Variants in PPP6R3 observed in about 807,000 individuals in gnomAD.
PPP6R3 encodes the protein protein phosphatase 6 regulatory subunit 3, also known as serine/threonine-protein phosphatase 6 regulatory subunit 3.
In PPP6R3, 38 loss-of-function variants were observed where a neutral mutation model predicts 110.7. That is an observed-to-expected ratio of 0.34 (90% CI 0.26 to 0.45). The LOEUF is 0.45. PPP6R3 is among the 20% of genes least tolerant of loss of function. The pLI is 1.00. For synonymous variants in PPP6R3, 369 were observed against 373.5 expected, an observed-to-expected ratio of 0.99 and a Z score of 0.14; for missense variants, 870 against 1,062.4, an observed-to-expected ratio of 0.82 and a Z score of 2.52.
At chr11:68,566,553 G>T (rs918171850) in intron 9 of PPP6R3, among the ~76,000 whole-genome samples, 1 of 151,942 alleles carries the variant, frequency 6.6e-6, no homozygotes, top group African/African-American at 2.4e-5. Flanking sequence ...TAGAGACAGG[G>T]TCTCACCATA....
intron 22 of PPP6R3, among the ~76,000 whole-genome samples, chr11:68,606,992 T>C (rs1940466634): frequency 6.6e-6 from 1 of 152,168 alleles, no homozygotes. Context: ...CCAAAATACA[T>C]CAAAATATAA....
intron 11 of PPP6R3, 43 bp downstream of exon 11, chr11:68,569,940 T>G: frequency 1.3e-6 from 2 of 1,548,676 alleles, no homozygotes; most frequent in Non-Finnish European, 1.8e-6. Context: ...CTCTCCTGGT[T>G]ATAGCAGTTT....
chr11:68,569,243 G>A lies in PPP6R3; in HGVS notation c.1129-505G>A, dbSNP rs555291395. ...GGCATGTCAGATAAGCAGATAGCAC[G>A]CCATTTAGGCTCTAAAGCAATACTT... On this transcript the variant is annotated intron_variant, in intron 10 of 23. Coordinates refer to ENST00000393800, the MANE Select transcript of PPP6R3 (RefSeq NM_001164161.2). 1.9e-4 allele frequency among the ~76,000 whole-genome samples: 29 copies of A among 152,152 alleles called. No individual in the cohort carries two copies. The East Asian group carries it at 4.8e-3, about 25-fold the overall frequency.
chr11:68,506,339 C>G (rs2099076232), intron 1 of PPP6R3, among the ~76,000 whole-genome samples: 1 of 137,442 alleles, frequency 7.3e-6, no homozygotes, highest in Non-Finnish European at 1.5e-5. Context: ...GTCCTGGCCT[C>G]AAGTGATCTT....
intron 1 of PPP6R3, among the ~76,000 whole-genome samples, chr11:68,503,603 T>C (rs1001380379): frequency 6.6e-6 from 1 of 152,162 alleles, no homozygotes; most frequent in Non-Finnish European, 1.5e-5. Context: ...CCTTGCATGC[T>C]GCTGAGAGTG....
intron 8 of PPP6R3, among the ~76,000 whole-genome samples, chr11:68,561,363 T>TC (rs2099419120): frequency 6.6e-6 from 1 of 152,268 alleles, no homozygotes; most frequent in East Asian, 1.9e-4. Flanking sequence ...GCCTCTTAAG[T>TC]CATTGGGACT....
intron 7 of PPP6R3, among the ~76,000 whole-genome samples, chr11:68,556,535 TA>T (rs11375771): frequency 1.0e-3 from 112 of 107,784 alleles, no homozygotes; most frequent in African/African-American, 1.6e-3. Context: ...AATTTCTCAT[TA>T]AAAAAAAAAA....
At chr11:68,549,463 G>T (rs1448844179) in intron 5 of PPP6R3, among the ~76,000 whole-genome samples, 1 of 152,110 alleles carries the variant, frequency 6.6e-6, no homozygotes, top group Non-Finnish European at 1.5e-5. Flanking sequence ...ATTTGTTGGT[G>T]ACCCAGGCAC....
At chr11:68,557,391 A>AC (rs2099403616) in intron 7 of PPP6R3, among the ~76,000 whole-genome samples, 1 of 152,256 alleles carries the variant, frequency 6.6e-6, no homozygotes, top group Non-Finnish European at 1.5e-5. Flanking sequence ...TGATCAAGGA[A>AC]CTGGTGTACA....
chr11:68,586,348 G>C (rs1350314234), intron 15 of PPP6R3: 1 of 152,152 alleles, frequency 6.6e-6, no homozygotes, highest in Non-Finnish European at 1.5e-5. Flanking sequence ...ATTAATGCTG[G>C]CTGTCATTGT....
At chr11:68,555,965 T>C (rs1317870033) in intron 7 of PPP6R3, among the ~76,000 whole-genome samples, 1 of 152,216 alleles carries the variant, frequency 6.6e-6, no homozygotes, top group Non-Finnish European at 1.5e-5. Flanking sequence ...ATTCAGACAA[T>C]ACACAGTGAG....
rs571756317 is a variant in PPP6R3 at position 68,554,128 on chromosome 11, G to A, written c.619-17G>A. 1.3e-6 allele frequency: 2 copies of A among 1,555,094 alleles called. No individual in the cohort carries two copies. The highest frequency in any genetic ancestry group is 2.7e-5 in the African/African-American group (2 of 73,110). On this transcript the variant is annotated splice_polypyrimidine_tract_variant and intron_variant, in intron 6 of 23. Coordinates refer to ENST00000393800, the MANE Select transcript of PPP6R3 (RefSeq NM_001164161.2). ...TCTAACATGTTTTATGGTTAAAATT[G>A]TACTTTTTTCCTTTAGCGACATTCA... is the stretch of plus-strand genomic sequence containing the variant.
chr11:68,520,864 C>T (rs148753905), intron 2 of PPP6R3, among the ~76,000 whole-genome samples: 36 of 152,166 alleles, frequency 2.4e-4, no homozygotes, highest in African/African-American at 6.5e-4. Flanking sequence ...CTCCACCTCC[C>T]GGGTTCAAGC....
chr11:68,595,822 G>A (rs941787979), intron 18 of PPP6R3, among the ~76,000 whole-genome samples: 1 of 152,166 alleles, frequency 6.6e-6, no homozygotes, highest in Non-Finnish European at 1.5e-5. Flanking sequence ...ACAGTGAAAT[G>A]AACACCTCCA....
At chr11:68,581,677 ACTC>A (rs1249492568) in intron 14 of PPP6R3, among the ~76,000 whole-genome samples, 1 of 151,290 alleles carries the variant, frequency 6.6e-6, no homozygotes, top group Non-Finnish European at 1.5e-5. Flanking sequence ...CAGTATTCCC[ACTC>A]CTCCTCTACA....
chr11:68,558,794 T>C lies in PPP6R3; in HGVS notation c.845+115T>C, dbSNP rs1398045965. The stretch of plus-strand genomic sequence containing the variant: ...GTACCTTTGAATTGCAGTTGCTGAT[T>C]CTTCTTCTGCTATATAAACCATAGC... On this transcript the variant is annotated intron_variant, in intron 8 of 23. Transcript: ENST00000393800. 6.7e-6 allele frequency: 5 copies of C among 743,730 alleles called. No homozygotes were observed. In the East Asian group the frequency reaches 1.4e-4, roughly 21 times the overall value. The allele number at this position is 743,730 out of a possible 1,614,324, so 46.1% of individuals were successfully genotyped here.
intron 3 of PPP6R3, among the ~76,000 whole-genome samples, chr11:68,539,981 C>T (rs912567681): frequency 2.6e-5 from 4 of 152,146 alleles, no homozygotes; most frequent in East Asian, 1.9e-4. Context: ...CTAATGTGCT[C>T]ATGTGCTTGG....
At chr11:68,545,206 A>C (rs1328830530) in intron 4 of PPP6R3, among the ~76,000 whole-genome samples, 182 bp downstream of exon 4, 1 of 152,240 alleles carries the variant, frequency 6.6e-6, no homozygotes, top group Admixed American at 6.5e-5. Flanking sequence ...GAATATTTCT[A>C]ATATGGCATA....
intron 1 of PPP6R3, among the ~76,000 whole-genome samples, chr11:68,483,929 C>T (rs753586523): frequency 2.6e-5 from 4 of 152,218 alleles, no homozygotes; most frequent in African/African-American, 4.8e-5. Flanking sequence ...AATCCTTTTA[C>T]TGTCTGCATA....
Sources: allele counts gnomAD v4.1 joint callset (sites outside exome capture counted in the v4.1 genomes callset), GRCh38; gene constraint gnomAD v4.1.1; transcripts MANE v1.5; gene names NCBI Gene and HGNC (gene_info 2026-07-23, HGNC 2026-07-21).